ADAMTSL3: variants seen among roughly 807,000 people sequenced by gnomAD.
ADAMTSL3 encodes the protein ADAMTS like 3.
In ADAMTSL3, 128 loss-of-function variants were observed where a neutral mutation model predicts 201.7. That is an observed-to-expected ratio of 0.63 (90% confidence interval 0.55 to 0.73). ADAMTSL3 has a LOEUF of 0.73. Ranked by LOEUF, ADAMTSL3 falls within the 30% of genes least tolerant of loss-of-function variation. The pLI is 0.00. For missense variants in ADAMTSL3, 1,990 were observed against 2,119.6 expected (o/e 0.94, Z 1.20); for synonymous variants, 738 against 748.4 (o/e 0.99, Z 0.23).
chr15:83,858,714 A>G, intron 7 of ADAMTSL3, 52 bp from the exon 8 acceptor site: 1 of 1,409,390 alleles, frequency 7.1e-7, no homozygotes. Flanking sequence ...GCTCATTTTC[A>G]TGGGCCTTTA....
chr15:83,837,854 G>A (rs1033992821), intron 6 of ADAMTSL3, among the ~76,000 whole-genome samples: 11 of 150,590 alleles, frequency 7.3e-5, no homozygotes, highest in African/African-American at 2.5e-4. Flanking sequence ...AAAAGGGAGG[G>A]GTATGGAGGG....
chr15:83,794,172 G>T (rs903521975), intron 4 of ADAMTSL3, among the ~76,000 whole-genome samples: 1 of 152,134 alleles, frequency 6.6e-6, no homozygotes, highest in African/African-American at 2.4e-5. Flanking sequence ...TACTGGCAAG[G>T]ATGCAGAGGA....
At chr15:83,681,089 A>C (rs1049814656) in intron 2 of ADAMTSL3, among the ~76,000 whole-genome samples, 3 of 152,202 alleles carry the variant, frequency 2.0e-5, no homozygotes, top group African/African-American at 7.2e-5. Context: ...GTATTCCCCA[A>C]ACTTGGGAGG....
Position 83,899,709 on chromosome 15 carries a change from A to T in ADAMTSL3, c.1678A>T (p.Arg560Ter). The change falls in exon 15 of 30, where the codon AGA becomes TGA. Residue 560 changes from arginine (R) to a stop codon, truncating the protein, a stop_gained. Coordinates refer to ENST00000286744, the MANE Select transcript of ADAMTSL3 (RefSeq NM_207517.3). LOFTEE classifies it high-confidence loss of function. ...LKQAQELEET[R>*]IATEEPTFIP... is the part of the protein sequence containing the mutation. The stretch of plus-strand genomic sequence containing the variant: ...ACAAGCACAAGAACTAGAAGAGACC[A>T]GAATAGCAACAGAAGAACCAACGTG... 1 of 1,612,004 alleles carries T rather than the reference A, an allele frequency of 6.2e-7. No individual in the cohort carries two copies. Among genetic ancestry groups the T allele is most frequent in the Non-Finnish European group, 8.5e-7 (1 of 1,178,632 alleles).
At chr15:83,692,594 G>A (rs1472235882) in intron 2 of ADAMTSL3, among the ~76,000 whole-genome samples, 1 of 149,704 alleles carries the variant, frequency 6.7e-6, no homozygotes, top group Non-Finnish European at 1.5e-5. Flanking sequence ...GCTGAGGCAG[G>A]AGAATGTCAT....
chr15:84,023,414 T>G (rs2068241573), intron 26 of ADAMTSL3, among the ~76,000 whole-genome samples: 1 of 152,116 alleles, frequency 6.6e-6, no homozygotes, highest in Non-Finnish European at 1.5e-5. Flanking sequence ...AAGAGTGCCT[T>G]GGAGGAGAGT....
At chr15:83,946,258 C>G (rs184842516) in intron 19 of ADAMTSL3, among the ~76,000 whole-genome samples, 1 of 152,324 alleles carries the variant, frequency 6.6e-6, no homozygotes, top group East Asian at 1.9e-4. Context: ...TCCGTGTCCG[C>G]TCTCTCAGTG....
At position 83,782,855 on chromosome 15, in the gene ADAMTSL3, A is replaced by G. The variant is rs531614754; in HGVS notation, c.317+9205A>G. Among the ~76,000 whole-genome samples the G allele has an allele frequency of 4.0e-5, 6 of 151,620 alleles. No individual in the cohort carries two copies. The South Asian group carries it at 1.0e-3, about 26-fold the overall frequency. On this transcript the variant is annotated intron_variant, in intron 4 of 29. Transcript: ENST00000286744. ...GTTTACCTATATAACAAGCCTGCAC[A>G]TGTACCTCTGAACTTAAAATAAAGG...
chr15:84,007,939 A>G (rs2141877836), intron 23 of ADAMTSL3, among the ~76,000 whole-genome samples: 1 of 152,302 alleles, frequency 6.6e-6, no homozygotes, highest in Non-Finnish European at 1.5e-5. Context: ...TTCCATTTAT[A>G]GCAAAGTGCC....
At chr15:83,851,439 A>G (rs1307095222) in intron 7 of ADAMTSL3, among the ~76,000 whole-genome samples, 1 of 152,192 alleles carries the variant, frequency 6.6e-6, no homozygotes, top group Non-Finnish European at 1.5e-5. Context: ...GTTGGAATAT[A>G]CACATATATG....
rs186245737 is a variant in ADAMTSL3, at chr15:83,723,978, G to A, written c.189+19470G>A. 3.2e-3 allele frequency among the ~76,000 whole-genome samples: 483 copies of A among 152,136 alleles called. 4 individuals carry two copies. The highest frequency in any genetic ancestry group is 0.011 in the African/African-American group (457 of 41,528). ...GGTGGCAATTTTAATACAAAGAAAGGATTGGGGGAATGGACATCCAAGGCT... is the reference window on the plus strand; with the variant it reads ...GGTGGCAATTTTAATACAAAGAAAGAATTGGGGGAATGGACATCCAAGGCT... On this transcript the variant is annotated intron_variant, in intron 3 of 29. Coordinates refer to ENST00000286744, the MANE Select transcript of ADAMTSL3 (RefSeq NM_207517.3).
At chr15:83,855,180 C>A (rs2064705307) in intron 7 of ADAMTSL3, among the ~76,000 whole-genome samples, 1 of 152,166 alleles carries the variant, frequency 6.6e-6, no homozygotes, top group South Asian at 2.1e-4. Flanking sequence ...TTAGGACCTT[C>A]TCAGGTTGTT....
chr15:83,796,314 A>G (rs534310121), intron 4 of ADAMTSL3, among the ~76,000 whole-genome samples: 3 of 152,360 alleles, frequency 2.0e-5, no homozygotes, highest in East Asian at 3.9e-4. Context: ...AATAAAACTA[A>G]TAAAATAATT....
chr15:83,872,118 G>A (rs2065091798), intron 9 of ADAMTSL3, among the ~76,000 whole-genome samples: 2 of 152,062 alleles, frequency 1.3e-5, no homozygotes, highest in Non-Finnish European at 2.9e-5. Flanking sequence ...TGAAACTTTG[G>A]ATTTTGAATA....
intron 26 of ADAMTSL3, among the ~76,000 whole-genome samples, chr15:84,024,124 C>T (rs1282299038): frequency 3.9e-5 from 6 of 152,008 alleles, no homozygotes; most frequent in African/African-American, 1.4e-4. Flanking sequence ...GCCATGGTGG[C>T]AGGCACCTGT....
chr15:83,704,965 AGTGTGTGT>A (rs10536633), intron 3 of ADAMTSL3, among the ~76,000 whole-genome samples: 68 of 147,656 alleles, frequency 4.6e-4, no homozygotes, highest in Middle Eastern at 3.5e-3. Context: ...TATGTCTGTG[AGTGTGTGT>A]GTGTGTGTGT....
chr15:83,828,489 TC>T (rs2064077781), intron 6 of ADAMTSL3, among the ~76,000 whole-genome samples: 1 of 152,342 alleles, frequency 6.6e-6, no homozygotes, highest in African/African-American at 2.4e-5. Flanking sequence ...CAATTTGACT[TC>T]CTCTTTTCCT....
intron 20 of ADAMTSL3, among the ~76,000 whole-genome samples, chr15:83,976,290 T>C (rs754873851): frequency 1.3e-5 from 2 of 152,042 alleles, no homozygotes; most frequent in African/African-American, 4.8e-5. Flanking sequence ...AGCAGTCTCA[T>C]TGACTTGTGT....
intron 6 of ADAMTSL3, among the ~76,000 whole-genome samples, chr15:83,831,457 T>C (rs1243159428): frequency 2.6e-5 from 4 of 152,160 alleles, no homozygotes; most frequent in African/African-American, 9.7e-5. Flanking sequence ...GTCTTCAAGA[T>C]CAGAGATACT....
Sources: allele counts gnomAD v4.1 joint callset (sites outside exome capture counted in the v4.1 genomes callset), GRCh38; gene constraint gnomAD v4.1.1; transcripts MANE v1.5; gene names NCBI Gene and HGNC (gene_info 2026-07-23, HGNC 2026-07-21).